The following ZNF804A variants were observed in gnomAD, a reference collection of about 807,000 sequenced individuals.
ZNF804A encodes the protein zinc finger protein 804A.
In ZNF804A, 2 loss-of-function variants were observed where a neutral mutation model predicts 16.5. That is an observed-to-expected ratio of 0.12 (90% CI 0.05 to 0.38). The LOEUF (loss-of-function observed/expected upper bound fraction) is 0.38, where lower values mean the gene tolerates loss of function less well. Among genes scored for constraint, ZNF804A ranks in the 10% least tolerant of loss-of-function variants. The pLI, the probability that ZNF804A is intolerant of heterozygous loss-of-function variation, is 0.99. For missense variants in ZNF804A, 1,473 were observed against 1,390.7 expected, an observed-to-expected ratio of 1.06 and a Z score of -0.94; for synonymous variants, 534 against 489.6, an observed-to-expected ratio of 1.09 and a Z score of -1.20.
intron 1 of ZNF804A, among the ~76,000 whole-genome samples, chr2:184,763,735 C>T (rs893062777): frequency 5.7e-5 from 8 of 140,168 alleles, no homozygotes; most frequent in Middle Eastern, 3.8e-3. Flanking sequence ...CTCCACCTCC[C>T]GGGTTCATGC....
At chr2:184,842,730 T>G (rs1695456729) in intron 1 of ZNF804A, among the ~76,000 whole-genome samples, 1 of 152,138 alleles carries the variant, frequency 6.6e-6, no homozygotes, top group Non-Finnish European at 1.5e-5. Context: ...GGCTAGAAAA[T>G]ATTAAACAAT....
chr2:184,933,698 G>T lies in ZNF804A; in HGVS notation c.351G>T (p.Leu117=). 1.2e-6 allele frequency: 2 copies of T among 1,607,354 alleles called. No individual in the cohort carries two copies. Among genetic ancestry groups the T allele is most frequent in the South Asian group, 1.1e-5 (1 of 89,488 alleles). The change falls in exon 3 of 4, where the codon CTG becomes CTT. Residue 117 remains leucine (L), a synonymous_variant. Transcript: ENST00000302277. ...AACAGGAAAAGGCACTCCAACGCCT[G>T]CACAAGCTGGCTGAGCTAAGAAAGG... The part of the protein sequence containing the change: ...ERKQEKALQR[L]HKLAELRKET...
chr2:184,808,994 T>C (rs1337864406), intron 1 of ZNF804A, among the ~76,000 whole-genome samples: 1 of 151,830 alleles, frequency 6.6e-6, no homozygotes, highest in East Asian at 1.9e-4. Flanking sequence ...AGCTCCTCTT[T>C]ATAAATCCAG....
intron 1 of ZNF804A, among the ~76,000 whole-genome samples, chr2:184,731,873 G>A (rs1693526862): frequency 6.6e-6 from 1 of 151,932 alleles, no homozygotes; most frequent in African/African-American, 2.4e-5. Context: ...AAAACACCTG[G>A]CTTTTAACCC....
chr2:184,771,776 T>TA (rs770424558), intron 1 of ZNF804A, among the ~76,000 whole-genome samples: 35 of 151,920 alleles, frequency 2.3e-4, no homozygotes, highest in Non-Finnish European at 4.3e-4. Context: ...ATAGACAAGT[T>TA]ACGATGATGC....
In ZNF804A at chr2:184,691,812, C is replaced by CTA. The variant is rs1692735114; in HGVS notation, c.111+92748_111+92749dup. 3.3e-5 allele frequency among the ~76,000 whole-genome samples: 5 copies of CTA among 151,698 alleles called. No homozygotes were observed. In the South Asian group the frequency reaches 1.0e-3, roughly 32 times the overall value. On this transcript the variant is annotated intron_variant, in intron 1 of 3. Coordinates refer to ENST00000302277, the MANE Select transcript of ZNF804A (RefSeq NM_194250.2). ...TTATATTTTAGATAAATACTTTATA[C>CTA]TATATATTTCTCCAAAACTGTAAGT...
At chr2:184,659,083 C>T (rs2105705034) in intron 1 of ZNF804A, among the ~76,000 whole-genome samples, 1 of 152,208 alleles carries the variant, frequency 6.6e-6, no homozygotes, top group African/African-American at 2.4e-5. Flanking sequence ...ACCCCAATAT[C>T]AAACTAAGAA....
intron 1 of ZNF804A, among the ~76,000 whole-genome samples, chr2:184,696,546 T>C (rs1430952317): frequency 6.6e-6 from 1 of 152,172 alleles, no homozygotes; most frequent in African/African-American, 2.4e-5. Context: ...ATATAAATTA[T>C]TGTAAAATTC....
intron 1 of ZNF804A, among the ~76,000 whole-genome samples, chr2:184,614,689 A>G (rs935015324): frequency 1.3e-5 from 2 of 152,224 alleles, no homozygotes. Flanking sequence ...ACAAATTCAC[A>G]AGAAAAAAAC....
intron 1 of ZNF804A, among the ~76,000 whole-genome samples, chr2:184,760,214 G>T (rs992632127): frequency 3.3e-5 from 5 of 152,020 alleles, no homozygotes; most frequent in African/African-American, 1.2e-4. Context: ...TCAGAGGCCT[G>T]ACAATTATGC....
chr2:184,874,113 AC>A (rs1483087020), intron 2 of ZNF804A, among the ~76,000 whole-genome samples: 3 of 152,116 alleles, frequency 2.0e-5, no homozygotes, highest in African/African-American at 7.2e-5. Context: ...CAAAGACTAC[AC>A]CTTTTTTATA....
At chr2:184,834,324 T>C (rs991031133) in intron 1 of ZNF804A, among the ~76,000 whole-genome samples, 2 of 152,084 alleles carry the variant, frequency 1.3e-5, no homozygotes, top group African/African-American at 4.8e-5. Flanking sequence ...TCACATATTT[T>C]CTTACTTGCT....
At chr2:184,836,522 G>GT (rs1695347777) in intron 1 of ZNF804A, among the ~76,000 whole-genome samples, 1 of 151,936 alleles carries the variant, frequency 6.6e-6, no homozygotes, top group African/African-American at 2.4e-5. Context: ...TTTTCAAACA[G>GT]TATCCTCACA....
chr2:184,867,470 T>C (rs1340549998), intron 2 of ZNF804A, among the ~76,000 whole-genome samples: 1 of 152,070 alleles, frequency 6.6e-6, no homozygotes, highest in Non-Finnish European at 1.5e-5. Flanking sequence ...ACCAATTGTG[T>C]GTACTTCCTT....
chr2:184,681,979 A>G (rs1225121418), intron 1 of ZNF804A, among the ~76,000 whole-genome samples: 1 of 152,160 alleles, frequency 6.6e-6, no homozygotes, highest in Non-Finnish European at 1.5e-5. Context: ...TGTGACCCAG[A>G]CACATGTGTG....
intron 2 of ZNF804A, among the ~76,000 whole-genome samples, chr2:184,916,144 G>A (rs921529522): frequency 6.6e-6 from 1 of 152,026 alleles, no homozygotes; most frequent in African/African-American, 2.4e-5. Flanking sequence ...TCAAAAGCTT[G>A]CAAAAAATAG....
At chr2:184,831,857 C>G (rs1695266206) in intron 1 of ZNF804A, among the ~76,000 whole-genome samples, 1 of 151,774 alleles carries the variant, frequency 6.6e-6, no homozygotes, top group African/African-American at 2.4e-5. Context: ...GTTTTAGATT[C>G]CTGGATAATG....
At chr2:184,737,064 G>GTT (rs141482019) in intron 1 of ZNF804A, among the ~76,000 whole-genome samples, 55 of 144,454 alleles carry the variant, frequency 3.8e-4, no homozygotes, top group African/African-American at 1.2e-3. Context: ...TTTGTTTTTT[G>GTT]TTTTTTTTTT....
At chr2:184,757,422 C>G (rs1015058761) in intron 1 of ZNF804A, among the ~76,000 whole-genome samples, 1 of 151,946 alleles carries the variant, frequency 6.6e-6, no homozygotes, top group African/African-American at 2.4e-5. Flanking sequence ...TTGCAACTAT[C>G]TCCACATTAA....
Sources: gnomAD v4.1 joint callset for allele counts (sites outside exome capture counted in the v4.1 genomes callset) on GRCh38, gnomAD v4.1.1 for gene constraint, MANE v1.5 for transcripts, NCBI Gene and HGNC (gene_info 2026-07-23, HGNC 2026-07-21) for gene names.